Variants in UNC80 observed in about 807,000 individuals in gnomAD.
UNC80 encodes the protein unc-80 subunit of NALCN channel complex.
Under a neutral mutation model 384.6 loss-of-function variants are expected in UNC80, and 164 were observed. The observed-to-expected ratio is 0.43, with a 90% CI of 0.38 to 0.49. UNC80 has a LOEUF of 0.49. Among genes scored for constraint, UNC80 ranks in the 20% least tolerant of loss-of-function variants. The probability of loss-of-function intolerance (pLI) is 0.00; values close to 1 mark genes in which losing one functional copy is unlikely to be tolerated. For missense variants in UNC80, 3,330 were observed against 4,143.0 expected (o/e 0.80, Z 5.39); for synonymous variants, 1,486 against 1,527.8 (o/e 0.97, Z 0.64).
rs1178079295 is a variant in UNC80, at chr2:209,904,864, C to G, written c.4681C>G (p.Leu1561Val). Residue 1561 changes from leucine to valine, a missense_variant, in exon 29 of 65, where the codon CTG becomes GTG. Around this residue, in one of 8 missense-constraint regions of UNC80, gnomAD observed 801 missense variants for 950.8 expected, o/e 0.84. Coordinates refer to ENST00000673920, the MANE Select transcript of UNC80 (RefSeq NM_001371986.1). ...GCACCACAGCCGCTCCTGTGCCCGA[C>G]TGGTCAGAGCCATCAAGCTACTCTA... ...YLHHSRSCAR[L>V]VRAIKLLYGD... is the part of the protein sequence containing the mutation. The G allele has an allele frequency of 6.4e-7, 1 of 1,551,956 alleles. No individual in the cohort carries two copies. Among genetic ancestry groups the G allele is most frequent in the Non-Finnish European group, 8.7e-7 (1 of 1,147,044 alleles).
intron 60 of UNC80, among the ~76,000 whole-genome samples, chr2:209,984,255 C>T (rs2093231141): frequency 1.3e-5 from 2 of 152,126 alleles, no homozygotes; most frequent in Admixed American, 6.5e-5. Flanking sequence ...GAGGTAAATG[C>T]GAGTTCCATG....
rs182081857 is a variant in UNC80 at position 209,945,372 on chromosome 2, A to T, written c.7189+183A>T. Among the ~76,000 whole-genome samples the T allele has an allele frequency of 3.0e-3, 456 of 152,346 alleles. 3 individuals are homozygous for T. Among genetic ancestry groups the T allele is most frequent in the African/African-American group, 0.01 (434 of 41,586 alleles). On this transcript the variant is annotated intron_variant, in intron 46 of 64. Coordinates refer to ENST00000673920, the MANE Select transcript of UNC80 (RefSeq NM_001371986.1). ...GTACATTTTTTTTCTTAAATTTCTT[A>T]TGAATCCTAAAGAGTAAGGAATTCT...
chr2:209,828,621 A>G (rs1296142493), intron 14 of UNC80, among the ~76,000 whole-genome samples: 1 of 152,128 alleles, frequency 6.6e-6, no homozygotes, highest in Non-Finnish European at 1.5e-5. Flanking sequence ...TACAATCCCA[A>G]TTCTCAGGAA....
chr2:209,916,988 GA>G (rs548591460), intron 31 of UNC80, among the ~76,000 whole-genome samples: 35 of 152,142 alleles, frequency 2.3e-4, no homozygotes, highest in Admixed American at 7.2e-4. Context: ...CAAGCTAAGA[GA>G]AGTTAAGAGG....
intron 4 of UNC80, among the ~76,000 whole-genome samples, chr2:209,781,307 T>A (rs1441473722): frequency 6.6e-6 from 1 of 152,178 alleles, no homozygotes; most frequent in Non-Finnish European, 1.5e-5. Context: ...AAGAGGGAAA[T>A]TGAGATCCAG....
chr2:209,857,684 C>T (rs966434566), intron 22 of UNC80, among the ~76,000 whole-genome samples: 2 of 152,192 alleles, frequency 1.3e-5, no homozygotes, highest in South Asian at 2.1e-4. Context: ...AAACTAAGAA[C>T]TTAGCTATTA....
At chr2:209,870,010 C>G (rs560491362) in intron 22 of UNC80, among the ~76,000 whole-genome samples, 4 of 152,068 alleles carry the variant, frequency 2.6e-5, no homozygotes, top group Non-Finnish European at 4.4e-5. Context: ...ATATAAGAAG[C>G]CTTACATATC....
In UNC80 at chr2:209,971,936, T is replaced by C. The variant is rs188285099; in HGVS notation, c.8257-265T>C. 2.4e-3 allele frequency among the ~76,000 whole-genome samples: 361 copies of C among 152,342 alleles called. 1 individual carries two copies. The highest frequency in any genetic ancestry group is 0.016 in the South Asian group (79 of 4,826). On this transcript the variant is annotated intron_variant, in intron 54 of 64. Transcript: ENST00000673920. ...AAATTAATGGGGACATGAAGTTGTT[T>C]TTGTACCTGACCATAAGTATTCTAA...
At chr2:209,907,741 T>C (rs1056737989) in intron 29 of UNC80, among the ~76,000 whole-genome samples, 2 of 152,292 alleles carry the variant, frequency 1.3e-5, no homozygotes, top group East Asian at 3.9e-4. Context: ...ACTGAGGAAG[T>C]CTTTCACATT....
rs2081588293 is a variant in UNC80, at chr2:209,839,551, C to G, written c.3250+121C>G. 1.0e-6 allele frequency: 1 copy of G among 987,164 alleles called. No individual in the cohort carries two copies. The highest frequency in any genetic ancestry group is 1.6e-5 in the African/African-American group (1 of 61,046). The allele number at this position is 987,164 out of a possible 1,614,324, so 61.2% of individuals were successfully genotyped here. On this transcript the variant is annotated intron_variant, in intron 19 of 64. Coordinates refer to ENST00000673920, the MANE Select transcript of UNC80 (RefSeq NM_001371986.1). This position sits in a 1 kb window ranked among gnomAD's most constrained non-coding sequence, Gnocchi z 4.1. ...CTTCAAGTCATAAGACCTAGACTGA[C>G]TTCATTCATTCATTCATTTAATTTT... is the stretch of plus-strand genomic sequence containing the variant.
intron 39 of UNC80, 111 bp downstream of exon 39, chr2:209,934,116 C>T (rs1170150356): frequency 9.3e-7 from 1 of 1,075,054 alleles, no homozygotes; most frequent in African/African-American, 1.6e-5. Flanking sequence ...AGTTCTAACC[C>T]CCAGTATTGA....
At chr2:209,891,646 AT>A (rs2086342979) in intron 26 of UNC80, among the ~76,000 whole-genome samples, 1 of 152,090 alleles carries the variant, frequency 6.6e-6, no homozygotes, top group South Asian at 2.1e-4. Flanking sequence ...AATGCTGAAT[AT>A]TTTTTCTACA....
At chr2:209,808,821 C>G (rs2079118554) in intron 7 of UNC80, 1 of 348,246 alleles carries the variant, frequency 2.9e-6, no homozygotes, top group Non-Finnish European at 5.5e-6. Flanking sequence ...GCTCTTTCCT[C>G]GTCAGGAAGC....
At chr2:209,899,204 T>TA (rs953128733) in intron 28 of UNC80, among the ~76,000 whole-genome samples, 1 of 152,024 alleles carries the variant, frequency 6.6e-6, no homozygotes. Context: ...ACATGGTGTA[T>TA]AAAAAAAATT....
chr2:209,900,968 A>G (rs905341651), intron 28 of UNC80, among the ~76,000 whole-genome samples: 2 of 152,220 alleles, frequency 1.3e-5, no homozygotes, highest in Non-Finnish European at 2.9e-5. Context: ...CTGTATAAGA[A>G]AAGTCTGAAG....
In UNC80 at chr2:209,896,420, A is replaced by G. The variant is rs1358316317; in HGVS notation, c.4581+7A>G. The G allele has an allele frequency of 9.0e-6, 14 of 1,550,136 alleles. No homozygotes were observed. Among genetic ancestry groups the G allele is most frequent in the Non-Finnish European group, 1.0e-5 (12 of 1,145,566 alleles). On this transcript the variant is annotated splice_region_variant and intron_variant, in intron 28 of 64. Coordinates refer to ENST00000673920, the MANE Select transcript of UNC80 (RefSeq NM_001371986.1). ...AAACATGTCGTGGCTTCATGTAAGT[A>G]GGAATCTCAGAAACAGCCCTGAGAT... is the stretch of plus-strand genomic sequence containing the variant.
At position 209,973,280 on chromosome 2, in the gene UNC80, TTCTC is replaced by T. The variant is rs141804658; in HGVS notation, c.8587+24_8587+27del. 153 of 1,509,850 alleles carry T rather than the reference TTCTC, an allele frequency of 1.0e-4. No individual in the cohort carries two copies. Among genetic ancestry groups the T allele is most frequent in the East Asian group, 2.5e-4 (10 of 39,240 alleles). 93.5% of individuals were successfully genotyped at this position (1,509,850 alleles called of 1,614,324 possible). A position where few individuals can be genotyped will look rare whatever the true frequency, so the allele number is the denominator to read the frequency against. On this transcript the variant is annotated intron_variant, in intron 56 of 64. Coordinates refer to ENST00000673920, the MANE Select transcript of UNC80 (RefSeq NM_001371986.1). ...CAAGCAGCATACTTGGGTTGGTACT[TTCTC>T]TCTCTCTCTCTCTGTTTGTGCATGT...
intron 59 of UNC80, among the ~76,000 whole-genome samples, chr2:209,979,987 A>C (rs994400749): frequency 2.6e-5 from 4 of 152,376 alleles, no homozygotes; most frequent in Admixed American, 1.3e-4. Context: ...ATGCTTTGTC[A>C]GTACTTACCA....
At chr2:209,842,881 C>G (rs1441426150) in intron 21 of UNC80, among the ~76,000 whole-genome samples, 1 of 152,140 alleles carries the variant, frequency 6.6e-6, no homozygotes, top group African/African-American at 2.4e-5. Context: ...GCAAGACAGC[C>G]TTAATTATTA....
Sources: allele counts gnomAD v4.1 joint callset (sites outside exome capture counted in the v4.1 genomes callset), GRCh38; gene constraint gnomAD v4.1.1; regional missense constraint gnomAD v4.1.1; non-coding constraint Gnocchi (gnomAD v3.1); transcripts MANE v1.5; gene names NCBI Gene and HGNC (gene_info 2026-07-23, HGNC 2026-07-21).